Variants in ASIC2 observed in about 807,000 individuals in gnomAD.
ASIC2 encodes the protein acid-sensing ion channel 2.
A neutral mutation model predicts 57.3 loss-of-function variants in ASIC2; 25 were observed. That is an observed-to-expected ratio of 0.44 (90% CI 0.32 to 0.61). ASIC2 has a LOEUF of 0.61. ASIC2 is among the 20% of genes least tolerant of loss of function. The probability of loss-of-function intolerance (pLI) is 0.06; values close to 1 mark genes in which losing one functional copy is unlikely to be tolerated. For synonymous variants in ASIC2, 319 were observed against 307.5 expected (o/e 1.04, Z -0.39); for missense variants, 641 against 738.1 (o/e 0.87, Z 1.52).
intron 1 of ASIC2, among the ~76,000 whole-genome samples, chr17:34,045,281 C>G (rs1475542444): frequency 6.6e-6 from 1 of 152,162 alleles, no homozygotes; most frequent in African/African-American, 2.4e-5. Flanking sequence ...GTAAGGCAAA[C>G]TAAAATACTA....
At chr17:33,930,527 C>T (rs1007793264) in intron 1 of ASIC2, among the ~76,000 whole-genome samples, 4 of 152,188 alleles carry the variant, frequency 2.6e-5, no homozygotes, top group Non-Finnish European at 5.9e-5. Context: ...CTGGGCCCAC[C>T]ATCCCACCAT....
chr17:34,025,461 G>A (rs1394320948), intron 1 of ASIC2, among the ~76,000 whole-genome samples: 4 of 152,116 alleles, frequency 2.6e-5, no homozygotes, highest in East Asian at 1.9e-4. Flanking sequence ...AAAAGCACCC[G>A]ACCTTGCATA....
intron 1 of ASIC2, among the ~76,000 whole-genome samples, chr17:33,287,659 C>T (rs1301837208): frequency 6.6e-6 from 1 of 152,132 alleles, no homozygotes; most frequent in Admixed American, 6.5e-5. Context: ...CTCGAGTGGG[C>T]CTAGAGGATA....
chr17:33,886,839 G>A (rs1914840336), intron 1 of ASIC2, among the ~76,000 whole-genome samples: 1 of 152,022 alleles, frequency 6.6e-6, no homozygotes, highest in Non-Finnish European at 1.5e-5. Context: ...CTTCACCCCA[G>A]ACCCACTGGA....
rs749926179 is a variant in ASIC2, at chr17:33,799,419, C to CT, written c.555+356558dup. Among the ~76,000 whole-genome samples, 55 of 68,800 alleles carry CT rather than the reference C, an allele frequency of 8.0e-4. 1 individual carries two copies. The highest frequency in any genetic ancestry group is 2.8e-3 in the African/African-American group (48 of 17,422). The allele number at this position is 68,800 out of a possible 152,430, so 45.1% of individuals were successfully genotyped here. The stretch of plus-strand genomic sequence containing the variant: ...CTTTCTTTCTTTTCTTTCTTTCTTT[C>CT]TTTCTTTCTTCTTTCTTTCTTTCTT... On this transcript the variant is annotated intron_variant, in intron 1 of 9. Coordinates refer to the ASIC2 transcript ENST00000359872.
chr17:33,597,096 G>A (rs1905004001), intron 1 of ASIC2, among the ~76,000 whole-genome samples: 2 of 152,242 alleles, frequency 1.3e-5, no homozygotes, highest in South Asian at 4.1e-4. Flanking sequence ...CAGGCTGGCA[G>A]GCTGGCAGAG....
chr17:33,976,492 T>G (rs1336014179), intron 1 of ASIC2: 1 of 152,028 alleles, frequency 6.6e-6, no homozygotes, highest in African/African-American at 2.4e-5. Flanking sequence ...ACCCTCCCAA[T>G]TGCTCTCTTC....
chr17:33,246,230 G>C (rs957348349), intron 1 of ASIC2, among the ~76,000 whole-genome samples: 1 of 152,074 alleles, frequency 6.6e-6, no homozygotes, highest in Admixed American at 6.5e-5. Flanking sequence ...TGTGGTGGTG[G>C]GGGGAAGGGA....
intron 1 of ASIC2, among the ~76,000 whole-genome samples, chr17:33,189,124 T>G (rs1047720657): frequency 2.6e-5 from 4 of 152,276 alleles, no homozygotes; most frequent in Middle Eastern, 3.4e-3. Flanking sequence ...GAGTGCTCCC[T>G]GGGGATATCT....
intron 1 of ASIC2, among the ~76,000 whole-genome samples, chr17:33,274,493 G>T (rs1004610824): frequency 6.6e-6 from 1 of 152,134 alleles, no homozygotes; most frequent in African/African-American, 2.4e-5. Context: ...ACAAATAATT[G>T]ATAGCAAAAA....
intron 1 of ASIC2, among the ~76,000 whole-genome samples, chr17:33,613,143 A>G (rs1324368684): frequency 6.6e-6 from 1 of 152,208 alleles, no homozygotes; most frequent in Non-Finnish European, 1.5e-5. Context: ...TAGTATATAG[A>G]GATAGAAAAC....
chr17:34,067,402 A>AC (rs1220045616), intron 1 of ASIC2, among the ~76,000 whole-genome samples: 1 of 152,188 alleles, frequency 6.6e-6, no homozygotes, highest in Non-Finnish European at 1.5e-5. Context: ...AATTTTTTTG[A>AC]CCTATCAAAC....
intron 1 of ASIC2, among the ~76,000 whole-genome samples, chr17:34,106,650 T>C (rs1348898035): frequency 6.6e-6 from 1 of 152,230 alleles, no homozygotes; most frequent in Non-Finnish European, 1.5e-5. Flanking sequence ...CCATGATTTA[T>C]CATTCATTAC....
intron 1 of ASIC2, among the ~76,000 whole-genome samples, chr17:33,929,801 C>T (rs1915893174): frequency 6.6e-6 from 1 of 152,200 alleles, no homozygotes; most frequent in Non-Finnish European, 1.5e-5. Context: ...TCAGGGGGTG[C>T]CATCTAGTGC....
At chr17:33,990,615 G>A (rs1311036972) in intron 1 of ASIC2, among the ~76,000 whole-genome samples, 4 of 152,184 alleles carry the variant, frequency 2.6e-5, no homozygotes, top group Non-Finnish European at 5.9e-5. Flanking sequence ...ACATTTACGA[G>A]CCAGACACAG....
intron 1 of ASIC2, among the ~76,000 whole-genome samples, chr17:33,954,860 C>A (rs981437121): frequency 3.3e-5 from 5 of 152,148 alleles, no homozygotes; most frequent in East Asian, 1.9e-4. Context: ...ATAAGAAGAA[C>A]CTTGAAGTCT....
intron 2 of ASIC2, among the ~76,000 whole-genome samples, chr17:33,106,755 T>C (rs2092236337): frequency 6.6e-6 from 1 of 152,206 alleles, no homozygotes; most frequent in Admixed American, 6.5e-5. Flanking sequence ...CCCTGTATTT[T>C]TTTTTTCCCC....
chr17:33,421,369 T>C (rs574576657), intron 1 of ASIC2, among the ~76,000 whole-genome samples: 1 of 152,360 alleles, frequency 6.6e-6, no homozygotes, highest in Middle Eastern at 3.4e-3. Context: ...ATCCATATCC[T>C]TGATGATCTG....
At chr17:33,337,543 G>A (rs571126805) in intron 1 of ASIC2, among the ~76,000 whole-genome samples, 1 of 152,332 alleles carries the variant, frequency 6.6e-6, no homozygotes, top group Admixed American at 6.5e-5. Context: ...AAAGGGGATA[G>A]TAATGCTTTT....
Sources: allele counts gnomAD v4.1 joint callset (sites outside exome capture counted in the v4.1 genomes callset), GRCh38; gene constraint gnomAD v4.1.1; transcripts MANE v1.5; gene names NCBI Gene and HGNC (gene_info 2026-07-23, HGNC 2026-07-21).